Variants in RBL2 observed in about 807,000 individuals in gnomAD.
RBL2 encodes RB transcriptional corepressor like 2.
RBL2 carries 56 observed loss-of-function variants against 126.0 expected under a neutral mutation model. That is an observed-to-expected ratio of 0.44 (90% confidence interval 0.36 to 0.56). The LOEUF (loss-of-function observed/expected upper bound fraction) is 0.56, where lower values mean the gene tolerates loss of function less well. Ranked by LOEUF, RBL2 falls within the 20% of genes least tolerant of loss-of-function variation. RBL2 has a pLI of 0.00. For synonymous variants in RBL2, 454 were observed against 478.5 expected, an observed-to-expected ratio of 0.95 and a Z score of 0.67; for missense variants, 1,229 against 1,398.2, an observed-to-expected ratio of 0.88 and a Z score of 1.93.
intron 21 of RBL2, among the ~76,000 whole-genome samples, chr16:53,484,491 A>G (rs754331536): frequency 3.3e-5 from 5 of 152,378 alleles, no homozygotes; most frequent in South Asian, 4.1e-4. Context: ...CATAAAAGGA[A>G]TATTTACTTG....
intron 12 of RBL2, 112 bp downstream of exon 12, chr16:53,464,475 C>G (rs1458340310): frequency 3.3e-6 from 3 of 916,064 alleles, no homozygotes; most frequent in Non-Finnish European, 4.8e-6. Flanking sequence ...TTTTTATTTA[C>G]ATAGTTAATC....
At chr16:53,438,456 A>G (rs1385441623) in intron 1 of RBL2, among the ~76,000 whole-genome samples, 1 of 152,152 alleles carries the variant, frequency 6.6e-6, no homozygotes, top group Admixed American at 6.5e-5. Flanking sequence ...AGAGACAGTT[A>G]ATCAGTGTGA....
rs966932201 is a variant in RBL2, at chr16:53,490,967, A to T, written c.*667A>T. On this transcript the variant is annotated 3_prime_UTR_variant, in exon 22 of 22. Coordinates refer to ENST00000262133, the MANE Select transcript of RBL2 (RefSeq NM_005611.4). ...GGGCTGTAAAATGCATGATTTTGTA[A>T]CCCAGATTTTGCTGTATATTTGTGA... 3 of 152,616 alleles carry T rather than the reference A, an allele frequency of 2.0e-5. No individual in the cohort carries two copies. The highest frequency in any genetic ancestry group is 4.4e-5 in the Non-Finnish European group (3 of 68,042). 9.5% of individuals were successfully genotyped at this position (152,616 alleles called of 1,614,324 possible).
intron 8 of RBL2, among the ~76,000 whole-genome samples, chr16:53,456,500 G>A (rs1037159496): frequency 5.9e-5 from 9 of 152,136 alleles, no homozygotes; most frequent in African/African-American, 2.2e-4. Flanking sequence ...ATTTACCGAG[G>A]GTTTGTATCT....
chr16:53,479,808 A>G (rs1960871007), intron 18 of RBL2, 78 bp from the exon 19 acceptor site: 1 of 905,274 alleles, frequency 1.1e-6, no homozygotes. Flanking sequence ...AAACCAAGTA[A>G]CATATGTGAA....
chr16:53,449,316 A>G (rs935935461), intron 4 of RBL2: 50 of 152,210 alleles, frequency 3.3e-4, no homozygotes, highest in African/African-American at 1.1e-3. Context: ...AATACAATAA[A>G]AAATAATTTC....
rs1302340600 is a variant in RBL2, at chr16:53,491,240, A to T, written c.*940A>T. The T allele has an allele frequency of 2.6e-5, 4 of 152,182 alleles. No homozygotes were observed. Among genetic ancestry groups the T allele is most frequent in the Non-Finnish European group, 5.9e-5 (4 of 68,032 alleles). The allele number at this position is 152,182 out of a possible 1,614,324, so 9.4% of individuals were successfully genotyped here. A position where few individuals can be genotyped will look rare whatever the true frequency, so the allele number is the denominator to read the frequency against. Reference sequence around the variant, plus strand: ...TCTTCCTTTAGGAGGGAGTTATCTAAAAGAAATGTCTATTAAGGTGATATA... The same window carrying T: ...TCTTCCTTTAGGAGGGAGTTATCTATAAGAAATGTCTATTAAGGTGATATA... On this transcript the variant is annotated 3_prime_UTR_variant, in exon 22 of 22. Transcript: ENST00000262133.
At chr16:53,450,616 T>C (rs2058106354) in intron 4 of RBL2, among the ~76,000 whole-genome samples, 3 of 152,212 alleles carry the variant, frequency 2.0e-5, no homozygotes, top group Non-Finnish European at 4.4e-5. Flanking sequence ...TGTTCAGTGT[T>C]AGAGTTCAAC....
intron 21 of RBL2, among the ~76,000 whole-genome samples, chr16:53,482,805 A>G (rs927456438): frequency 7.8e-6 from 1 of 127,864 alleles, no homozygotes; most frequent in Non-Finnish European, 1.6e-5. Context: ...AGCGAAACTC[A>G]CTGTCTCAAA....
chr16:53,488,146 A>C (rs1961248401), intron 21 of RBL2: 1 of 152,244 alleles, frequency 6.6e-6, no homozygotes, highest in Non-Finnish European at 1.5e-5. Context: ...AAAGTGGGAA[A>C]CAACCCAAAC....
chr16:53,483,928 A>G (rs1177937652), intron 21 of RBL2, among the ~76,000 whole-genome samples: 2 of 42,680 alleles, frequency 4.7e-5, no homozygotes, highest in African/African-American at 2.6e-4. Flanking sequence ...TATCATAGTA[A>G]AAAAAAAAAA....
At chr16:53,454,316 T>G (rs983918985) in intron 7 of RBL2, 1 of 418,274 alleles carries the variant, frequency 2.4e-6, no homozygotes, top group Admixed American at 2.7e-5. Context: ...GCGATTCTTC[T>G]GCCTCAGCCT....
At chr16:53,486,480 A>G (rs1961180394) in intron 21 of RBL2, among the ~76,000 whole-genome samples, 1 of 152,224 alleles carries the variant, frequency 6.6e-6, no homozygotes, top group Admixed American at 6.5e-5. Flanking sequence ...TCATTGGTAA[A>G]TGCTACCAAA....
chr16:53,464,038 A>G (rs1286858956), intron 11 of RBL2, among the ~76,000 whole-genome samples, 188 bp from the exon 12 acceptor site: 1 of 152,180 alleles, frequency 6.6e-6, no homozygotes, highest in African/African-American at 2.4e-5. Flanking sequence ...TTCCTTTTAT[A>G]TATTTCCTCT....
At chr16:53,481,530 T>G in intron 20 of RBL2, 141 bp from the exon 21 acceptor site, 2 of 751,422 alleles carry the variant, frequency 2.7e-6, no homozygotes, top group South Asian at 4.7e-5. Context: ...ATATTTTTCT[T>G]TAGGTTAAGT....
Position 53,481,732 on chromosome 16 carries a change from A to G in RBL2, c.3146A>G (p.Gln1049Arg). The G allele has an allele frequency of 6.2e-7, 1 of 1,607,572 alleles. No homozygotes were observed. Among genetic ancestry groups the G allele is most frequent in the Non-Finnish European group, 8.5e-7 (1 of 1,174,210 alleles). Residue 1049 changes from glutamine to arginine, a missense_variant, in exon 21 of 22, where the codon CAG becomes CGG. By Grantham distance (43) the Gln-to-Arg change is conservative. Around this residue, in one of 2 missense-constraint regions of RBL2, gnomAD observed 1,070 missense variants for 1,274.3 expected, o/e 0.84. Transcript: ENST00000262133. ...AGAACAGGCTCCCCTCGCCGAATAC[A>G]GTTGTCTCAAAATCATCCTGTCTAC... is the stretch of plus-strand genomic sequence containing the variant. Reference protein sequence around the residue: ...FVRTGSPRRIQLSQNHPVYIS... With the variant: ...FVRTGSPRRIRLSQNHPVYIS...
At chr16:53,442,566 A>G (rs1409827773) in intron 2 of RBL2, 92 bp from the exon 3 acceptor site, 2 of 913,852 alleles carry the variant, frequency 2.2e-6, no homozygotes, top group Non-Finnish European at 3.3e-6. Context: ...ATATAATTTA[A>G]TGCGATAATA....
At chr16:53,441,609 G>C (rs1407082552) in intron 2 of RBL2, among the ~76,000 whole-genome samples, 10 of 152,092 alleles carry the variant, frequency 6.6e-5, no homozygotes, top group African/African-American at 2.2e-4. Flanking sequence ...GCAAGTTGCA[G>C]AATACCACTG....
rs769033940 is a variant in RBL2 at position 53,481,858 on chromosome 16, C to A, written c.3249+23C>A. 3 of 1,543,688 alleles carry A rather than the reference C, an allele frequency of 1.9e-6. No homozygotes were observed. The Admixed American group carries it at 5.0e-5, about 26-fold the overall frequency. ...AAGGTGAGCCTAACATCAATCTTGGCCTTTACTAACCTCAAAATGCTTCAG... is the reference window on the plus strand; with the variant it reads ...AAGGTGAGCCTAACATCAATCTTGGACTTTACTAACCTCAAAATGCTTCAG... On this transcript the variant is annotated intron_variant, in intron 21 of 21. Transcript: ENST00000262133.
Sources: allele counts gnomAD v4.1 joint callset (sites outside exome capture counted in the v4.1 genomes callset), GRCh38; gene constraint gnomAD v4.1.1; regional missense constraint gnomAD v4.1.1; transcripts MANE v1.5; gene names NCBI Gene and HGNC (gene_info 2026-07-23, HGNC 2026-07-21).